Variants in TYW1B observed in about 807,000 individuals in gnomAD.
TYW1B encodes the protein S-adenosyl-L-methionine-dependent tRNA 4-demethylwyosine synthase TYW1B.
A neutral mutation model predicts 86.9 loss-of-function variants in TYW1B; 73 were observed. The observed-to-expected ratio is 0.84, with a 90% CI of 0.70 to 1.02. The LOEUF is 1.02. TYW1B is among the 50% of genes least tolerant of loss of function. The pLI is 0.00. For synonymous variants in TYW1B, 248 were observed against 292.8 expected (o/e 0.85, Z 1.56); for missense variants, 637 against 827.4 (o/e 0.77, Z 2.82).
At chr7:72,702,112 C>A (rs1814490407) in intron 10 of TYW1B, among the ~76,000 whole-genome samples, 1 of 152,124 alleles carries the variant, frequency 6.6e-6, no homozygotes, top group African/African-American at 2.4e-5. Context: ...TTCTTGTTTG[C>A]CCTAGCTGTT....
intron 13 of TYW1B, among the ~76,000 whole-genome samples, chr7:72,586,162 A>G (rs1811271602): frequency 6.6e-6 from 1 of 152,192 alleles, no homozygotes; most frequent in South Asian, 2.1e-4. Context: ...GACCGAGTCT[A>G]GGAGAATTCC....
rs1442322312 is a variant in TYW1B, at chr7:72,654,063, G to C, written c.1507-25066C>G. 2.1e-5 allele frequency among the ~76,000 whole-genome samples: 3 copies of C among 142,176 alleles called. No homozygotes were observed. The Admixed American group carries it at 2.2e-4, about 10-fold the overall frequency. 93.3% of individuals were successfully genotyped at this position (142,176 alleles called of 152,430 possible). ...CCACTGCACTCCAGCCTGGGCGACA[G>C]AGCAAGGCTCCATCACAAAAAAGAA... On this transcript the variant is annotated intron_variant, in intron 11 of 13. Transcript: ENST00000620995.
At chr7:72,758,444 G>GA (rs1787630879) in intron 7 of TYW1B, among the ~76,000 whole-genome samples, 1 of 148,468 alleles carries the variant, frequency 6.7e-6, no homozygotes. Flanking sequence ...TTTTCTCTTA[G>GA]AAAAAACATT....
intron 11 of TYW1B, among the ~76,000 whole-genome samples, chr7:72,664,018 T>C (rs536215792): frequency 6.6e-6 from 1 of 152,182 alleles, no homozygotes; most frequent in Non-Finnish European, 1.5e-5. Flanking sequence ...CATCTTCTTT[T>C]CTACCTACGT....
At chr7:72,580,677 A>G (rs1554429479) in intron 13 of TYW1B, among the ~76,000 whole-genome samples, 1 of 152,214 alleles carries the variant, frequency 6.6e-6, no homozygotes, top group Non-Finnish European at 1.5e-5. Context: ...CTAAACAATA[A>G]TAATGGCATA....
chr7:72,678,761 C>T (rs1813799989), intron 11 of TYW1B, among the ~76,000 whole-genome samples: 1 of 151,264 alleles, frequency 6.6e-6, no homozygotes, highest in Admixed American at 6.6e-5. Flanking sequence ...AGGATGGTCT[C>T]GATCTCTTGA....
At chr7:72,598,903 T>C (rs1361736352) in intron 13 of TYW1B, among the ~76,000 whole-genome samples, 1 of 152,166 alleles carries the variant, frequency 6.6e-6, no homozygotes, top group Non-Finnish European at 1.5e-5. Context: ...AGGAGTGGCC[T>C]GATAGTTTCC....
At chr7:72,827,725 T>G (rs1554481703) in intron 1 of TYW1B, among the ~76,000 whole-genome samples, 1 of 152,102 alleles carries the variant, frequency 6.6e-6, no homozygotes. Context: ...ACGTCTCATT[T>G]TTTTTTTTAA....
chr7:72,717,225 C>T (rs1273887928), intron 9 of TYW1B, among the ~76,000 whole-genome samples: 1 of 151,696 alleles, frequency 6.6e-6, no homozygotes, highest in Non-Finnish European at 1.5e-5. Context: ...CACTTGAACC[C>T]TGGAGGTGGA....
At position 72,616,790 on chromosome 7, in the gene TYW1B, T is replaced by C. The variant is rs539703149; in HGVS notation, c.1667A>G (p.His556Arg). 1.2e-6 allele frequency: 2 copies of C among 1,614,220 alleles called. No homozygotes were observed. The highest frequency in any genetic ancestry group is 2.2e-5 in the East Asian group (1 of 44,884). Residue 556 changes from histidine (H) to arginine (R), a missense_variant, in exon 13 of 14, where the codon CAT becomes CGT. His to Arg is a conservative substitution (Grantham distance 29). Transcript: ENST00000620995. ...TACCACTTCCTCATGCCAGGGCACA[T>C]GGGCCATGGTAAGACTGCTTGCTGA... Reference protein sequence around the residue: ...ESSASSLTMAHVPWHEEVVQF... With the variant: ...ESSASSLTMARVPWHEEVVQF...
intron 11 of TYW1B, among the ~76,000 whole-genome samples, chr7:72,664,802 T>A (rs1485491331): frequency 6.6e-6 from 1 of 152,116 alleles, no homozygotes; most frequent in Non-Finnish European, 1.5e-5. Flanking sequence ...CACAGCAATA[T>A]ATGATCTATG....
rs1490747593 is a variant in TYW1B, at chr7:72,724,792, TATAA to T, written c.1192+4026_1192+4029del. ...AATTACCAGGGTAAAATAGATATTG[TATAA>T]ATACCATTTTTAAGAATGAAATTGG... is the stretch of plus-strand genomic sequence containing the variant. On this transcript the variant is annotated intron_variant, in intron 9 of 13. Transcript: ENST00000620995. 2.6e-5 allele frequency among the ~76,000 whole-genome samples: 4 copies of T among 152,340 alleles called. No homozygotes were observed. In the East Asian group the frequency reaches 7.7e-4, roughly 29 times the overall value.
intron 11 of TYW1B, among the ~76,000 whole-genome samples, chr7:72,653,251 T>G (rs557298250): frequency 6.6e-6 from 1 of 152,088 alleles, no homozygotes; most frequent in African/African-American, 2.4e-5. Flanking sequence ...AAAATTACAT[T>G]AACAAACTTC....
At position 72,592,086 on chromosome 7, in the gene TYW1B, G is replaced by A. The variant is rs564592822; in HGVS notation, c.1786-16367C>T. On this transcript the variant is annotated intron_variant, in intron 13 of 13. Coordinates refer to ENST00000620995, the MANE Select transcript of TYW1B (RefSeq NM_001145440.3). ...GATCTGCCCACCTCGGCCTCCCAAA[G>A]TGCTGGGATTACAGGCGTCAGCCAC... is the stretch of plus-strand genomic sequence containing the variant. Among the ~76,000 whole-genome samples the A allele has an allele frequency of 2.7e-5, 4 of 147,206 alleles. No individual in the cohort carries two copies. The Admixed American group carries it at 2.8e-4, about 10-fold the overall frequency.
intron 7 of TYW1B, among the ~76,000 whole-genome samples, chr7:72,753,837 C>CT (rs36055636): frequency 1.9e-4 from 29 of 151,308 alleles, no homozygotes; most frequent in African/African-American, 3.9e-4. Context: ...TTTTAAATTA[C>CT]TTTTTTTTTA....
intron 7 of TYW1B, among the ~76,000 whole-genome samples, chr7:72,776,880 T>C (rs1290550576): frequency 6.6e-6 from 1 of 152,028 alleles, no homozygotes; most frequent in East Asian, 1.9e-4. Context: ...AGATATAGTT[T>C]CCTGTGTTTC....
rs782579642 is a variant in TYW1B, at chr7:72,828,072, C to G, written c.4G>C (p.Asp2His). Residue 2 changes from aspartate to histidine, a missense_variant and splice_region_variant, in exon 1 of 14, where the codon GAT becomes CAT. Coordinates refer to ENST00000620995, the MANE Select transcript of TYW1B (RefSeq NM_001145440.3). ...GTCCTTGCCCGCCGAGTGCCCTTACCCATCCTCCTCAGAGCCGACAGGAGA... is the reference window on the plus strand; with the variant it reads ...GTCCTTGCCCGCCGAGTGCCCTTACGCATCCTCCTCAGAGCCGACAGGAGA... The part of the protein sequence containing the change: M[D>H]PSADTWDLSS... 1.2e-6 allele frequency: 2 copies of G among 1,614,030 alleles called. No individual in the cohort carries two copies. Among genetic ancestry groups the G allele is most frequent in the Admixed American group, 3.3e-5 (2 of 59,998 alleles).
intron 7 of TYW1B, among the ~76,000 whole-genome samples, chr7:72,745,925 T>C (rs1787387139): frequency 6.6e-6 from 1 of 151,182 alleles, no homozygotes; most frequent in Non-Finnish European, 1.5e-5. Context: ...AGTGCAGTAG[T>C]GTGATCTTGA....
Position 72,777,449 on chromosome 7 carries a change from T to A in TYW1B, c.931A>T (p.Thr311Ser), listed in dbSNP as rs1554470759. Residue 311 changes from threonine to serine, a missense_variant, in exon 7 of 14, where the codon ACT becomes TCT. By Grantham distance (58) the Thr-to-Ser change is moderately conservative (BLOSUM62 1). Transcript: ENST00000620995. Reference sequence around the variant, plus strand: ...GTAAGGGCTTCTCGGAGAGCAGGAGTTATCATAGCTCTTCTTTCACCATCT... The same window carrying A: ...GTAAGGGCTTCTCGGAGAGCAGGAGATATCATAGCTCTTCTTTCACCATCT... ...NEDGERRAMI[T>S]PALREALTKQ... 2 of 1,613,930 alleles carry A rather than the reference T, an allele frequency of 1.2e-6. No homozygotes were observed. Among genetic ancestry groups the A allele is most frequent in the East Asian group, 4.5e-5 (2 of 44,868 alleles).
Sources: allele counts gnomAD v4.1 joint callset (sites outside exome capture counted in the v4.1 genomes callset), GRCh38; gene constraint gnomAD v4.1.1; transcripts MANE v1.5; gene names NCBI Gene and HGNC (gene_info 2026-07-23, HGNC 2026-07-21).